The following PHF14 variants were observed in gnomAD, a reference collection of about 807,000 sequenced individuals.
PHF14 encodes PHD finger protein 14.
Under a neutral mutation model 117.9 loss-of-function variants are expected in PHF14, and 55 were observed. The ratio of observed to expected loss-of-function variants is 0.47; its 90% CI spans 0.38 to 0.58. The LOEUF is 0.58. PHF14 is among the 20% of genes least tolerant of loss of function. The probability of loss-of-function intolerance (pLI) is 0.00; values close to 1 mark genes in which losing one functional copy is unlikely to be tolerated. For synonymous variants in PHF14, 409 were observed against 368.6 expected (o/e 1.11, Z -1.26); for missense variants, 978 against 1,122.2 (o/e 0.87, Z 1.84).
chr7:10,983,582 T>C (rs1411523037), intron 3 of PHF14, among the ~76,000 whole-genome samples: 4 of 152,160 alleles, frequency 2.6e-5, no homozygotes, highest in Admixed American at 2.0e-4. Context: ...TAGAATACCT[T>C]AGAGCAGGGC....
Position 10,975,853 on chromosome 7 carries a change from CCTT to C in PHF14, c.112+914_112+916del, listed in dbSNP as rs574270225. ...GTTTGCCGTGGTTAGTCACATCTCT[CCTT>C]CTTCTGGTTTTCCCTTGTCTTTTTC... On this transcript the variant is annotated intron_variant, in intron 2 of 17. Coordinates refer to ENST00000634607, the MANE Select transcript of PHF14 (RefSeq NM_001007157.2). Among the ~76,000 whole-genome samples the C allele has an allele frequency of 5.9e-5, 9 of 152,302 alleles. 1 individual carries two copies. The highest frequency in any genetic ancestry group is 1.9e-4 in the East Asian group (1 of 5,190).
At chr7:11,075,305 A>G (rs942804883) in intron 16 of PHF14, among the ~76,000 whole-genome samples, 23 of 152,268 alleles carry the variant, frequency 1.5e-4, no homozygotes, top group African/African-American at 5.5e-4. Context: ...TGATGTTGCC[A>G]TAAAGAAGTA....
chr7:11,107,627 ATTC>A (rs1290891147), intron 16 of PHF14: 17 of 725,170 alleles, frequency 2.3e-5, no homozygotes, highest in Non-Finnish European at 2.7e-5. Context: ...TTAGTTTTGT[ATTC>A]TTTTTTAATA....
intron 4 of PHF14, among the ~76,000 whole-genome samples, chr7:11,002,081 G>A (rs1782898334): frequency 6.6e-6 from 1 of 151,874 alleles, no homozygotes; most frequent in Non-Finnish European, 1.5e-5. Context: ...GTCTCACTCT[G>A]CTGCCCAGGC....
intron 17 of PHF14, among the ~76,000 whole-genome samples, chr7:11,122,377 A>G (rs1787792901): frequency 7.8e-6 from 1 of 127,938 alleles, no homozygotes; most frequent in Admixed American, 8.0e-5. Flanking sequence ...ACACACACAC[A>G]CACACACATA....
At chr7:10,974,534 A>G (rs1383714428) in intron 1 of PHF14, among the ~76,000 whole-genome samples, 1 of 152,014 alleles carries the variant, frequency 6.6e-6, no homozygotes, top group Non-Finnish European at 1.5e-5. Context: ...TAAGTGGGGG[A>G]TTACGAGGAA....
intron 17 of PHF14, among the ~76,000 whole-genome samples, chr7:11,126,599 G>A (rs1409043372): frequency 6.6e-6 from 1 of 151,672 alleles, no homozygotes; most frequent in Non-Finnish European, 1.5e-5. Context: ...TTGTCTTCCT[G>A]TCTACTCCTT....
chr7:11,122,352 T>TATATATACAC, intron 17 of PHF14, among the ~76,000 whole-genome samples: 103 of 65,870 alleles, frequency 1.6e-3, no homozygotes, highest in African/African-American at 7.1e-3. Flanking sequence ...TATATATATA[T>TATATATACAC]ACACACACAC....
intron 17 of PHF14, among the ~76,000 whole-genome samples, chr7:11,132,080 C>G (rs1442872290): frequency 6.6e-6 from 1 of 151,530 alleles, no homozygotes; most frequent in South Asian, 2.1e-4. Flanking sequence ...CACATAATTA[C>G]CATTTTTTTG....
chr7:11,055,524 A>G (rs888865237), intron 14 of PHF14, among the ~76,000 whole-genome samples: 1 of 152,184 alleles, frequency 6.6e-6, no homozygotes, highest in East Asian at 1.9e-4. Context: ...AATAAATGCA[A>G]TAAATAGGCA....
chr7:11,115,565 A>G (rs1284244092), intron 17 of PHF14, among the ~76,000 whole-genome samples: 1 of 151,972 alleles, frequency 6.6e-6, no homozygotes, highest in Non-Finnish European at 1.5e-5. Flanking sequence ...TCTGCTTGAA[A>G]TCTGTCAGTG....
In PHF14 at chr7:10,974,243, C is replaced by T. The variant is rs187408489; in HGVS notation, c.-81C>T. On this transcript the variant is annotated 5_prime_UTR_variant, in exon 1 of 18. Transcript: ENST00000634607. ...ATCTTTCGGACTTGTCTTCGCGGCC[C>T]CAGTCCCCGACCTCGGCGCTGCCTG... is the stretch of plus-strand genomic sequence containing the variant. 6.0e-3 allele frequency: 7,498 copies of T among 1,242,136 alleles called. 51 individuals carry two copies. The highest frequency in any genetic ancestry group is 6.8e-3 in the Non-Finnish European group (5,891 of 867,876). 76.9% of individuals were successfully genotyped at this position (1,242,136 alleles called of 1,614,324 possible).
chr7:11,051,095 C>G (rs1784838206), intron 13 of PHF14, among the ~76,000 whole-genome samples: 1 of 152,070 alleles, frequency 6.6e-6, no homozygotes. Context: ...GGCTGGAGTG[C>G]AGTGTTGAGA....
intron 16 of PHF14, chr7:11,103,564 A>T (rs1787162342): frequency 1.0e-6 from 1 of 984,672 alleles, no homozygotes; most frequent in Non-Finnish European, 1.2e-6. Flanking sequence ...TTTAGAAGAG[A>T]CTCTTTGCTG....
At chr7:10,993,206 T>C (rs78122770) in intron 4 of PHF14, among the ~76,000 whole-genome samples, 2,105 of 152,152 alleles carry the variant, frequency 0.014, 49 homozygotes, top group East Asian at 0.11. Flanking sequence ...TATTTTTTCT[T>C]ACCAATTAAT....
intron 16 of PHF14, among the ~76,000 whole-genome samples, chr7:11,095,252 T>G (rs1347632738): frequency 6.6e-6 from 1 of 152,222 alleles, no homozygotes; most frequent in African/African-American, 2.4e-5. Flanking sequence ...GGTTACTGTT[T>G]TTATTTACAT....
chr7:11,129,613 T>C (rs141765293), intron 17 of PHF14, among the ~76,000 whole-genome samples: 99 of 147,982 alleles, frequency 6.7e-4, no homozygotes, highest in African/African-American at 2.5e-3. Context: ...TTTACCAAAA[T>C]ATTTTCTTTC....
At chr7:11,032,773 C>G (rs1784164763) in intron 7 of PHF14, among the ~76,000 whole-genome samples, 1 of 152,194 alleles carries the variant, frequency 6.6e-6, no homozygotes, top group South Asian at 2.1e-4. Context: ...TTGACTATTA[C>G]TGCTTCTCAA....
At chr7:11,114,084 A>C (rs1464738547) in intron 17 of PHF14, among the ~76,000 whole-genome samples, 3 of 152,154 alleles carry the variant, frequency 2.0e-5, no homozygotes, top group African/African-American at 7.2e-5. Context: ...ACTTATTGCC[A>C]TAAGAAAGGA....
Sources: gnomAD v4.1 joint callset for allele counts (sites outside exome capture counted in the v4.1 genomes callset) on GRCh38, gnomAD v4.1.1 for gene constraint, MANE v1.5 for transcripts, NCBI Gene and HGNC (gene_info 2026-07-23, HGNC 2026-07-21) for gene names.